The following KLHL29 variants were observed in gnomAD, a reference collection of about 807,000 sequenced individuals.
KLHL29 encodes kelch like family member 29, also known as kelch-like protein 29.
A neutral mutation model predicts 80.4 loss-of-function variants in KLHL29; 21 were observed. The observed-to-expected ratio is 0.26, with a 90% CI of 0.19 to 0.38. The LOEUF is 0.38. Ranked by LOEUF, KLHL29 falls within the 10% of genes least tolerant of loss-of-function variation. The probability of loss-of-function intolerance (pLI) is 1.00; values close to 1 mark genes in which losing one functional copy is unlikely to be tolerated. For missense variants in KLHL29, 867 were observed against 1,223.9 expected, an observed-to-expected ratio of 0.71 and a Z score of 4.35; for synonymous variants, 511 against 526.8, an observed-to-expected ratio of 0.97 and a Z score of 0.41.
chr2:23,399,682 A>G (rs2577751), intron 1 of KLHL29, among the ~76,000 whole-genome samples: 10,129 of 152,232 alleles, frequency 0.067, 630 homozygotes, highest in African/African-American at 0.17. Flanking sequence ...CTGCATGATG[A>G]ACCTGTGTAA....
chr2:23,507,082 G>T, intron 2 of KLHL29: 1 of 442,706 alleles, frequency 2.3e-6, no homozygotes, highest in Non-Finnish European at 4.8e-6. Context: ...AAAGTTTGAA[G>T]GCAGCCGCAT....
At position 23,703,731 on chromosome 2, in the gene KLHL29, C is replaced by T; in HGVS notation, c.2312C>T (p.Ala771Val). Reference protein sequence around the residue: ...IESPMIDNKYAPAVTLNGFVF... With the variant: ...IESPMIDNKYVPAVTLNGFVF... ...GCTCTCCTCACAGACAACAAGTATG[C>T]CCCCGCTGTCACGCTCAATGGCTTC... Residue 771 changes from alanine to valine, a missense_variant, in exon 13 of 14, where the codon GCC becomes GTC. Ala to Val is a moderately conservative substitution (Grantham distance 64). Transcript: ENST00000486442. 1 of 1,536,286 alleles carries T rather than the reference C, an allele frequency of 6.5e-7. No homozygotes were observed. Among genetic ancestry groups the T allele is most frequent in the South Asian group, 1.2e-5 (1 of 83,872 alleles).
At chr2:23,540,943 A>AC (rs1470135637) in intron 2 of KLHL29, among the ~76,000 whole-genome samples, 2 of 152,120 alleles carry the variant, frequency 1.3e-5, no homozygotes, top group African/African-American at 4.8e-5. Context: ...TGGGTCATGG[A>AC]CCCTGATTCA....
chr2:23,579,363 C>G (rs1251672649), intron 3 of KLHL29, among the ~76,000 whole-genome samples: 1 of 152,150 alleles, frequency 6.6e-6, no homozygotes, highest in East Asian at 1.9e-4. Flanking sequence ...AGATGTCTGC[C>G]CTTAGGTATC....
chr2:23,394,791 G>A (rs2339752), intron 1 of KLHL29, among the ~76,000 whole-genome samples: 37,868 of 152,098 alleles, frequency 0.25, 4,937 homozygotes, highest in South Asian at 0.31. Flanking sequence ...TAAATGTGCT[G>A]GCCTCATCTT....
At chr2:23,617,545 C>T (rs1212626366) in intron 3 of KLHL29, 1 of 152,240 alleles carries the variant, frequency 6.6e-6, no homozygotes, top group Non-Finnish European at 1.5e-5. Context: ...AAAATACTGC[C>T]TTCAAGTACT....
At chr2:23,556,521 G>A (rs530389369) in intron 2 of KLHL29, among the ~76,000 whole-genome samples, 141 of 152,024 alleles carry the variant, frequency 9.3e-4, no homozygotes, top group Non-Finnish European at 1.2e-3. Context: ...GTGTGGTGAT[G>A]GGTGCCTGTA....
At chr2:23,703,414 G>A (rs1448942719) in intron 12 of KLHL29, 35 bp downstream of exon 12, 1 of 1,428,028 alleles carries the variant, frequency 7.0e-7, no homozygotes, top group South Asian at 1.5e-5. Flanking sequence ...CCAGGGCCAG[G>A]GTCGCATCCC....
chr2:23,623,046 G>A (rs900032802), intron 3 of KLHL29, among the ~76,000 whole-genome samples: 2 of 152,178 alleles, frequency 1.3e-5, no homozygotes, highest in Non-Finnish European at 2.9e-5. Context: ...GGTGAGACAG[G>A]CTTCTGCACG....
intron 7 of KLHL29, among the ~76,000 whole-genome samples, chr2:23,692,182 G>A (rs1481150912): frequency 6.6e-6 from 1 of 152,266 alleles, no homozygotes; most frequent in African/African-American, 2.4e-5. Flanking sequence ...TGCTCTGTTT[G>A]TGGGGAAAGG....
chr2:23,614,862 T>C (rs570102), intron 3 of KLHL29, among the ~76,000 whole-genome samples: 121,882 of 152,098 alleles, frequency 0.8, 49,104 homozygotes, highest in East Asian at 1. Flanking sequence ...CATCCGGTGG[T>C]GGGAAGATGT....
chr2:23,455,581 C>T (rs141579720), intron 1 of KLHL29, among the ~76,000 whole-genome samples: 65 of 149,734 alleles, frequency 4.3e-4, no homozygotes, highest in African/African-American at 1.5e-3. Flanking sequence ...TGAAGAGAAG[C>T]GTCAGCTGAG....
chr2:23,665,794 T>G (rs1670537701), intron 5 of KLHL29, among the ~76,000 whole-genome samples: 1 of 152,108 alleles, frequency 6.6e-6, no homozygotes, highest in Non-Finnish European at 1.5e-5. Context: ...GAGAGGCCTC[T>G]CATGACCGTG....
chr2:23,406,197 G>A (rs1180797055), intron 1 of KLHL29, among the ~76,000 whole-genome samples: 14 of 151,650 alleles, frequency 9.2e-5, no homozygotes, highest in African/African-American at 3.1e-4. Context: ...GCATGGTGGC[G>A]GGCACCTGTG....
chr2:23,661,074 C>T (rs1670392921), intron 5 of KLHL29, among the ~76,000 whole-genome samples: 1 of 151,994 alleles, frequency 6.6e-6, no homozygotes, highest in Admixed American at 6.6e-5. Flanking sequence ...GGCATTGTGT[C>T]TCACACCTGT....
Position 23,392,094 on chromosome 2 carries a change from G to T in KLHL29, c.-154+6314G>T, listed in dbSNP as rs192519320. Among the ~76,000 whole-genome samples, 68 of 152,314 alleles carry T rather than the reference G, an allele frequency of 4.5e-4. No homozygotes were observed. In the East Asian group the frequency reaches 0.013, roughly 28 times the overall value. On this transcript the variant is annotated intron_variant, in intron 1 of 13. Coordinates refer to ENST00000486442, the MANE Select transcript of KLHL29 (RefSeq NM_052920.2). ...GAAGCAGTAGTGGCTATCTAGGGTG[G>T]TTGTGAGGGTGAAAACAGATAACCT...
At chr2:23,557,036 G>C (rs1183065792) in intron 2 of KLHL29, among the ~76,000 whole-genome samples, 1 of 152,206 alleles carries the variant, frequency 6.6e-6, no homozygotes, top group East Asian at 1.9e-4. Flanking sequence ...GAAGGGCCCT[G>C]TGCCAGGCTC....
chr2:23,483,109 A>C (rs575224876), intron 2 of KLHL29, among the ~76,000 whole-genome samples: 2 of 152,358 alleles, frequency 1.3e-5, no homozygotes, highest in Admixed American at 1.3e-4. Flanking sequence ...AGCATCTACT[A>C]TAATGCTAGG....
chr2:23,408,027 G>A lies in KLHL29; in HGVS notation c.-154+22247G>A, dbSNP rs560384353. On this transcript the variant is annotated intron_variant, in intron 1 of 13. Coordinates refer to ENST00000486442, the MANE Select transcript of KLHL29 (RefSeq NM_052920.2). ...CCGGTTCAAGTGATTCTCCTGCCTC[G>A]GCCTCCTGATAACATTAAATTCTTG... is the stretch of plus-strand genomic sequence containing the variant. Among the ~76,000 whole-genome samples, 20 of 151,582 alleles carry A rather than the reference G, an allele frequency of 1.3e-4. No homozygotes were observed. The East Asian group carries it at 1.6e-3, about 12-fold the overall frequency.
Sources: allele counts gnomAD v4.1 joint callset (sites outside exome capture counted in the v4.1 genomes callset), GRCh38; gene constraint gnomAD v4.1.1; transcripts MANE v1.5; gene names NCBI Gene and HGNC (gene_info 2026-07-23, HGNC 2026-07-21).